Variants in CRELD2 observed in about 807,000 individuals in gnomAD.
The protein encoded by CRELD2 is protein disulfide isomerase CRELD2.
Under a neutral mutation model 48.1 loss-of-function variants are expected in CRELD2, and 33 were observed. That is an observed-to-expected ratio of 0.69 (90% CI 0.52 to 0.92). The LOEUF is 0.92. Among genes scored for constraint, CRELD2 ranks in the 40% least tolerant of loss-of-function variants. The probability of loss-of-function intolerance (pLI) is 0.00; values close to 1 mark genes in which losing one functional copy is unlikely to be tolerated. For missense variants in CRELD2, 477 were observed against 482.4 expected (o/e 0.99, Z 0.10); for synonymous variants, 220 against 203.9 (o/e 1.08, Z -0.67).
intron 9 of CRELD2, chr22:49,925,841 C>A: frequency 1.0e-5 from 10 of 954,698 alleles, no homozygotes; most frequent in Non-Finnish European, 1.3e-5. Flanking sequence ...AGCAGAGGAG[C>A]AGACGCAGGA....
intron 5 of CRELD2, 77 bp downstream of exon 5, chr22:49,921,838 T>G: frequency 6.9e-7 from 1 of 1,457,752 alleles, no homozygotes; most frequent in East Asian, 2.3e-5. Context: ...CCTGCCTAGA[T>G]GGGAACAGGG....
rs1323018323 is a variant in CRELD2 at position 49,919,814 on chromosome 22, G to C, written c.297G>C (p.Glu99Asp). The change falls in exon 3 of 10, where the codon GAG becomes GAC. Residue 99 changes from glutamate (E) to aspartate (D), a missense_variant. By Grantham distance (45) the Glu-to-Asp change is conservative (BLOSUM62 2). Coordinates refer to ENST00000328268, the MANE Select transcript of CRELD2 (RefSeq NM_024324.5). ...ATCAGATGCTAGAGGCGCAGGAGGA[G>C]CACCTGGAGGCCTGGTGGCTGCAGC... Reference protein sequence around the residue: ...ECNQMLEAQEEHLEAWWLQLK... With the variant: ...ECNQMLEAQEDHLEAWWLQLK... 6.2e-7 allele frequency: 1 copy of C among 1,611,984 alleles called. No homozygotes were observed. Among genetic ancestry groups the C allele is most frequent in the African/African-American group, 1.3e-5 (1 of 74,982 alleles).
rs200977795 is a variant in CRELD2, at chr22:49,919,817, C to T, written c.300C>T (p.His100=). 4 of 1,611,294 alleles carry T rather than the reference C, an allele frequency of 2.5e-6. No individual in the cohort carries two copies. The highest frequency in any genetic ancestry group is 2.5e-6 in the Non-Finnish European group (3 of 1,178,522). ...AGATGCTAGAGGCGCAGGAGGAGCA[C>T]CTGGAGGCCTGGTGGCTGCAGCTGT... ...CNQMLEAQEE[H]LEAWWLQLKS... Residue 100 remains histidine, a synonymous_variant, in exon 3 of 10, where the codon CAC becomes CAT. Coordinates refer to ENST00000328268, the MANE Select transcript of CRELD2 (RefSeq NM_024324.5).
intron 3 of CRELD2, 63 bp downstream of exon 3, chr22:49,919,903 C>T (rs2060663357): frequency 3.1e-6 from 4 of 1,274,622 alleles, no homozygotes; most frequent in South Asian, 1.3e-5. Context: ...TTGAAATAAC[C>T]TCAGACTTAG....
At chr22:49,923,397 T>G in intron 7 of CRELD2, 80 bp downstream of exon 7, 1 of 1,063,322 alleles carries the variant, frequency 9.4e-7, no homozygotes, top group Non-Finnish European at 1.4e-6. Context: ...TTATGGCTTC[T>G]TAGTGTCACT....
At chr22:49,923,605 T>C in intron 7 of CRELD2, 1 of 533,850 alleles carries the variant, frequency 1.9e-6, no homozygotes, top group South Asian at 2.0e-5. Flanking sequence ...CTGCGTGACT[T>C]TCCGCAGCGC....
rs1194638277 is a variant in CRELD2 at position 49,923,574 on chromosome 22, C to CA, written c.772+257_772+258insA. 5.1e-6 allele frequency: 3 copies of CA among 590,008 alleles called. No individual in the cohort carries two copies. The Admixed American group carries it at 7.5e-5, about 15-fold the overall frequency. The allele number at this position is 590,008 out of a possible 1,614,324, so 36.5% of individuals were successfully genotyped here. A position where few individuals can be genotyped will look rare whatever the true frequency, so the allele number is the denominator to read the frequency against. On this transcript the variant is annotated intron_variant, in intron 7 of 9. Transcript: ENST00000328268. Reference sequence around the variant, plus strand: ...TGGTGCCTCCACTGCTCGTGCCCCCCCAGCGCCCCCGCAACGTGCCCTGCG... The same window carrying CA: ...TGGTGCCTCCACTGCTCGTGCCCCCCACAGCGCCCCCGCAACGTGCCCTGCG...
In CRELD2 at chr22:49,921,730, G is replaced by A. The variant is rs772158950; in HGVS notation, c.561G>A (p.Ser187=). 5.0e-6 allele frequency: 8 copies of A among 1,612,424 alleles called. No individual in the cohort carries two copies. Among genetic ancestry groups the A allele is most frequent in the Admixed American group, 1.7e-5 (1 of 59,998 alleles). ...ACTGCATGGACGGCTACTTCAGCTCGCTCCGGAACGAGACCCACAGCATCT... is the reference window on the plus strand; with the variant it reads ...ACTGCATGGACGGCTACTTCAGCTCACTCCGGAACGAGACCCACAGCATCT... The part of the protein sequence containing the change: ...CTDCMDGYFS[S]LRNETHSICT... The change falls in exon 5 of 10, where the codon TCG becomes TCA. Residue 187 remains serine, a synonymous_variant. Coordinates refer to ENST00000328268, the MANE Select transcript of CRELD2 (RefSeq NM_024324.5).
chr22:49,920,015 T>A, intron 3 of CRELD2, 141 bp from the exon 4 acceptor site: 2 of 774,810 alleles, frequency 2.6e-6, no homozygotes, highest in Non-Finnish European at 4.3e-6. Context: ...ACCAGGAAAT[T>A]AAGGAGAAGA....
chr22:49,927,228 TGAC>T (rs1333242138), intron 9 of CRELD2, 24 bp from the exon 10 acceptor site: 3 of 1,610,274 alleles, frequency 1.9e-6, no homozygotes, highest in Non-Finnish European at 1.7e-6. Flanking sequence ...TGCTCAGCCT[TGAC>T]GACCTATGCT....
At chr22:49,925,801 T>C in intron 9 of CRELD2, 5 of 1,296,100 alleles carry the variant, frequency 3.9e-6, no homozygotes, top group South Asian at 1.7e-5. Context: ...AAGGGGGAAG[T>C]CTCTGAAGCT....
At position 49,927,350 on chromosome 22, in the gene CRELD2, T is replaced by A; in HGVS notation, c.*43T>A. 6.4e-7 allele frequency: 1 copy of A among 1,556,954 alleles called. No individual in the cohort carries two copies. Among genetic ancestry groups the A allele is most frequent in the Non-Finnish European group, 8.9e-7 (1 of 1,129,410 alleles). On this transcript the variant is annotated 3_prime_UTR_variant, in exon 10 of 10. Coordinates refer to ENST00000328268, the MANE Select transcript of CRELD2 (RefSeq NM_024324.5). The stretch of plus-strand genomic sequence containing the variant: ...TTAAATTATTCAGAAGGATGTCCCG[T>A]GGAAAATGTGGCCCTGAGGATGCCG...
chr22:49,919,274 G>A lies in CRELD2; in HGVS notation c.174G>A (p.Thr58=), dbSNP rs1341650796. 2.5e-6 allele frequency: 4 copies of A among 1,613,710 alleles called. No homozygotes were observed. The highest frequency in any genetic ancestry group is 3.3e-5 in the Admixed American group (2 of 60,036). Residue 58 remains threonine (T), a synonymous_variant, in exon 2 of 10, where the codon ACG becomes ACA. Transcript: ENST00000328268. ...TAKKNFGGGN[T]AWEEKTLSKY... The stretch of plus-strand genomic sequence containing the variant: ...AGAAGAACTTTGGCGGCGGGAACAC[G>A]GCTTGGGAGGAAAAGACGCTGTCCA...
Position 49,921,724 on chromosome 22 carries a change from C to T in CRELD2, c.555C>T (p.Phe185=). 2 of 1,612,772 alleles carry T rather than the reference C, an allele frequency of 1.2e-6. No individual in the cohort carries two copies. The highest frequency in any genetic ancestry group is 8.5e-7 in the Non-Finnish European group (1 of 1,179,900). ...GCACTGACTGCATGGACGGCTACTT[C>T]AGCTCGCTCCGGAACGAGACCCACA... is the stretch of plus-strand genomic sequence containing the variant. ...PLCTDCMDGY[F]SSLRNETHSI... is the part of the protein sequence containing the mutation. The change falls in exon 5 of 10, where the codon TTC becomes TTT. Residue 185 remains phenylalanine, a synonymous_variant. Transcript: ENST00000328268.
At position 49,924,465 on chromosome 22, in the gene CRELD2, G is replaced by A. The variant is rs764427555; in HGVS notation, c.868+10G>A. 4.4e-6 allele frequency: 7 copies of A among 1,587,726 alleles called. 1 individual carries two copies. In the South Asian group the frequency reaches 5.7e-5, roughly 13 times the overall value. Reference sequence around the variant, plus strand: ...CACGGACAGTGTGCAGGTCAGTGACGGGGTCTGTGCTGGACGCTGGTGGAC... The same window carrying A: ...CACGGACAGTGTGCAGGTCAGTGACAGGGTCTGTGCTGGACGCTGGTGGAC... On this transcript the variant is annotated intron_variant, in intron 8 of 9. Transcript: ENST00000328268.
At chr22:49,919,687 C>A in intron 2 of CRELD2, 43 bp from the exon 3 acceptor site, 1 of 1,480,850 alleles carries the variant, frequency 6.8e-7, no homozygotes, top group Non-Finnish European at 9.2e-7. Context: ...TCTTCACTGC[C>A]TTGGAGGCGC....
At chr22:49,925,224 A>C (rs915652312) in intron 8 of CRELD2, 193 bp from the exon 9 acceptor site, 1 of 488,070 alleles carries the variant, frequency 2.0e-6, no homozygotes, top group African/African-American at 2.0e-5. Flanking sequence ...ATTTTCTACC[A>C]GTTGAGGGCC....
Position 49,925,513 on chromosome 22 carries a change from G to A in CRELD2, c.965G>A (p.Gly322Asp), listed in dbSNP as rs750399051. 2 of 1,613,968 alleles carry A rather than the reference G, an allele frequency of 1.2e-6. No individual in the cohort carries two copies. The highest frequency in any genetic ancestry group is 1.7e-6 in the Non-Finnish European group (2 of 1,180,006). Reference protein sequence around the residue: ...PGSYVCVCPDGFEETEDACVP... With the variant: ...PGSYVCVCPDDFEETEDACVP... Reference sequence around the variant, plus strand: ...AGCTACGTCTGTGTGTGTCCTGACGGCTTCGAAGAAACGGAAGATGCCTGT... The same window carrying A: ...AGCTACGTCTGTGTGTGTCCTGACGACTTCGAAGAAACGGAAGATGCCTGT... Residue 322 changes from glycine to aspartate, a missense_variant, in exon 9 of 10, where the codon GGC becomes GAC. Transcript: ENST00000328268.
In CRELD2 at chr22:49,925,575, C is replaced by T. The variant is rs115949436; in HGVS notation, c.1009+18C>T. 1,532 of 1,612,784 alleles carry T rather than the reference C, an allele frequency of 9.5e-4. 11 individuals are homozygous for T. In the African/African-American group the frequency reaches 0.017, roughly 18 times the overall value. On this transcript the variant is annotated intron_variant, in intron 9 of 9. Coordinates refer to ENST00000328268, the MANE Select transcript of CRELD2 (RefSeq NM_024324.5). ...AGAGGCTGGTGAGTGGCACGGCTGC[C>T]CTCCACACAGGCTGCCCTCCCCTGG...
Sources: allele counts gnomAD v4.1 joint callset, GRCh38; gene constraint gnomAD v4.1.1; transcripts MANE v1.5; gene names NCBI Gene and HGNC (gene_info 2026-07-23, HGNC 2026-07-21).